The following TMEM132D variants were observed in gnomAD, a reference collection of about 807,000 sequenced individuals.
TMEM132D encodes mature OL transmembrane protein.
Under a neutral mutation model 62.3 loss-of-function variants are expected in TMEM132D, and 21 were observed. That is an observed-to-expected ratio of 0.34 (90% CI 0.24 to 0.49). TMEM132D has a LOEUF of 0.49. Ranked by LOEUF, TMEM132D falls within the 20% of genes least tolerant of loss-of-function variation. The probability of loss-of-function intolerance (pLI) is 0.99; values close to 1 mark genes in which losing one functional copy is unlikely to be tolerated. For synonymous variants in TMEM132D, 621 were observed against 575.6 expected (o/e 1.08, Z -1.13); for missense variants, 1,346 against 1,402.8 (o/e 0.96, Z 0.65).
intron 2 of TMEM132D, among the ~76,000 whole-genome samples, chr12:129,620,246 C>A (rs969185974): frequency 2.0e-5 from 3 of 152,184 alleles, no homozygotes; most frequent in Non-Finnish European, 2.9e-5. Context: ...TGCTCTTGGG[C>A]TTTTGCTTTT....
At chr12:129,454,041 T>C (rs11060356) in intron 3 of TMEM132D, among the ~76,000 whole-genome samples, 28,873 of 152,208 alleles carry the variant, frequency 0.19, 2,865 homozygotes, top group Middle Eastern at 0.25. Flanking sequence ...GTTCATGTTA[T>C]GGCACCACTT....
chr12:129,779,656 G>A lies in TMEM132D; in HGVS notation c.80-78958C>T, dbSNP rs1871059790. Among the ~76,000 whole-genome samples, 1 of 152,008 alleles carries A rather than the reference G, an allele frequency of 6.6e-6. No homozygotes were observed. Among genetic ancestry groups the A allele is most frequent in the Non-Finnish European group, 1.5e-5 (1 of 68,018 alleles). Reference sequence around the variant, plus strand: ...TTGAAAGGAAGAAGAGCAGGTATTGGAAGAGACCATCAGAAGGCCCCTCCA... The same window carrying A: ...TTGAAAGGAAGAAGAGCAGGTATTGAAAGAGACCATCAGAAGGCCCCTCCA... On this transcript the variant is annotated intron_variant, in intron 1 of 8. Transcript: ENST00000422113. The surrounding 1 kb of genome is among the most constrained non-coding windows in gnomAD (Gnocchi z 4.1).
intron 5 of TMEM132D, among the ~76,000 whole-genome samples, chr12:129,127,706 C>A (rs1159312351): frequency 1.1e-4 from 17 of 152,152 alleles, no homozygotes; most frequent in Non-Finnish European, 1.5e-5. Context: ...AAAACCATGA[C>A]GAGTATTTGC....
intron 1 of TMEM132D, among the ~76,000 whole-genome samples, chr12:129,771,178 C>T (rs1565980001): frequency 6.6e-6 from 1 of 152,230 alleles, no homozygotes; most frequent in Non-Finnish European, 1.5e-5. Flanking sequence ...GACGAGGGTA[C>T]TCCCCAGGCG....
Position 129,465,186 on chromosome 12 carries a change from C to T in TMEM132D, c.1115+65873G>A, listed in dbSNP as rs146838168. Among the ~76,000 whole-genome samples, 813 of 152,258 alleles carry T rather than the reference C, an allele frequency of 5.3e-3. 29 individuals are homozygous for T. The East Asian group carries it at 0.096, about 18-fold the overall frequency. ...TAGTTCTCCTTGAAGAGGCCCTTCACGTCCCTTGTAATTTGGATTCCTAAG... is the reference window on the plus strand; with the variant it reads ...TAGTTCTCCTTGAAGAGGCCCTTCATGTCCCTTGTAATTTGGATTCCTAAG... On this transcript the variant is annotated intron_variant, in intron 3 of 8. Transcript: ENST00000422113.
At position 129,657,055 on chromosome 12, in the gene TMEM132D, G is replaced by T. The variant is rs1304288225; in HGVS notation, c.968+42755C>A. On this transcript the variant is annotated intron_variant, in intron 2 of 8. Transcript: ENST00000422113. The stretch of plus-strand genomic sequence containing the variant: ...CTGAAATATCATATGTGTCCAAAAG[G>T]GTATCTCTTTGATGTTGCCAGTTTG... Among the ~76,000 whole-genome samples the T allele has an allele frequency of 2.6e-5, 4 of 152,224 alleles. No homozygotes were observed. The East Asian group carries it at 7.7e-4, about 29-fold the overall frequency.
At chr12:129,720,876 C>A (rs1394127239) in intron 1 of TMEM132D, among the ~76,000 whole-genome samples, 1 of 152,196 alleles carries the variant, frequency 6.6e-6, no homozygotes, top group African/African-American at 2.4e-5. Context: ...GAGTGGCCTC[C>A]CAGCCTGAGG....
chr12:129,514,041 G>T (rs532361700), intron 3 of TMEM132D, among the ~76,000 whole-genome samples: 6 of 149,978 alleles, frequency 4.0e-5, no homozygotes, highest in African/African-American at 1.2e-4. Flanking sequence ...GGGTTTCACT[G>T]TGTCAGCCAG....
At chr12:129,839,286 T>C (rs559346024) in intron 1 of TMEM132D, among the ~76,000 whole-genome samples, 2 of 151,870 alleles carry the variant, frequency 1.3e-5, no homozygotes, top group African/African-American at 4.8e-5. Flanking sequence ...TGTGCCACCA[T>C]GCCTGGCTAT....
chr12:129,244,766 G>A (rs1001038492), intron 4 of TMEM132D, among the ~76,000 whole-genome samples: 2 of 151,976 alleles, frequency 1.3e-5, no homozygotes, highest in Admixed American at 6.6e-5. Context: ...TCAGCCTCCC[G>A]AGTACCTCGA....
intron 1 of TMEM132D, among the ~76,000 whole-genome samples, chr12:129,783,406 A>G (rs1203166469): frequency 6.6e-6 from 1 of 152,216 alleles, no homozygotes; most frequent in Non-Finnish European, 1.5e-5. Flanking sequence ...AAATAATTTT[A>G]CTATTAATAA....
intron 5 of TMEM132D, among the ~76,000 whole-genome samples, chr12:129,205,130 A>G (rs1277069892): frequency 6.6e-6 from 1 of 152,206 alleles, no homozygotes; most frequent in East Asian, 1.9e-4. Flanking sequence ...TCTATGGCTA[A>G]CAACATGAAG....
rs1051753749 is a variant in TMEM132D, at chr12:129,450,998, G to C, written c.1115+80061C>G. On this transcript the variant is annotated intron_variant, in intron 3 of 8. Transcript: ENST00000422113. Reference sequence around the variant, plus strand: ...AGGCTTGTCTAGAACTCCTGACCTCGTGATCCACCCTCCTCAGCCTCCCAA... The same window carrying C: ...AGGCTTGTCTAGAACTCCTGACCTCCTGATCCACCCTCCTCAGCCTCCCAA... Among the ~76,000 whole-genome samples the C allele has an allele frequency of 5.3e-5, 8 of 151,992 alleles. No homozygotes were observed. The East Asian group carries it at 1.6e-3, about 30-fold the overall frequency.
At chr12:129,339,654 A>T (rs1033244841) in intron 3 of TMEM132D, among the ~76,000 whole-genome samples, 5 of 152,144 alleles carry the variant, frequency 3.3e-5, no homozygotes, top group African/African-American at 1.2e-4. Flanking sequence ...ACAGCTAGAG[A>T]GAACTTGGAA....
chr12:129,573,388 T>C (rs1182439383), intron 2 of TMEM132D, among the ~76,000 whole-genome samples: 1 of 152,200 alleles, frequency 6.6e-6, no homozygotes, highest in Admixed American at 6.5e-5. Context: ...ACAGCATTCA[T>C]CCGTGCTTAT....
chr12:129,658,199 C>T (rs1005026512), intron 2 of TMEM132D, among the ~76,000 whole-genome samples: 2 of 152,148 alleles, frequency 1.3e-5, no homozygotes, highest in African/African-American at 4.8e-5. Context: ...AAGAAAGCAG[C>T]ATCAGTAATC....
intron 2 of TMEM132D, among the ~76,000 whole-genome samples, chr12:129,693,053 A>G (rs1206609149): frequency 1.3e-5 from 2 of 152,064 alleles, no homozygotes; most frequent in Non-Finnish European, 2.9e-5. Context: ...TAAAGAAAAA[A>G]CTCTTAGCAA....
At chr12:129,157,000 C>T (rs1011809837) in intron 5 of TMEM132D, among the ~76,000 whole-genome samples, 1 of 152,130 alleles carries the variant, frequency 6.6e-6, no homozygotes, top group Non-Finnish European at 1.5e-5. Context: ...CATTCACTCT[C>T]ATGATAATCA....
intron 5 of TMEM132D, among the ~76,000 whole-genome samples, chr12:129,090,657 G>A (rs1359622336): frequency 6.9e-6 from 1 of 145,872 alleles, no homozygotes; most frequent in Non-Finnish European, 1.5e-5. Flanking sequence ...GACAGAGTGA[G>A]ACCCTGTCTG....
Sources: gnomAD v4.1 joint callset for allele counts (sites outside exome capture counted in the v4.1 genomes callset) on GRCh38, gnomAD v4.1.1 for gene constraint, Gnocchi (gnomAD v3.1) non-coding constraint, MANE v1.5 for transcripts, NCBI Gene and HGNC (gene_info 2026-07-23, HGNC 2026-07-21) for gene names.